ADAMTS17: variants seen among roughly 807,000 people sequenced by gnomAD.
The protein encoded by ADAMTS17 is ADAM metallopeptidase with thrombospondin type 1 motif 17, also known as A disintegrin and metalloproteinase with thrombospondin motifs 17.
A neutral mutation model predicts 141.5 loss-of-function variants in ADAMTS17; 113 were observed. That is an observed-to-expected ratio of 0.80 (90% CI 0.69 to 0.93). ADAMTS17 has a LOEUF of 0.93. Ranked by LOEUF, ADAMTS17 falls within the 40% of genes least tolerant of loss-of-function variation. The pLI, the probability that ADAMTS17 is intolerant of heterozygous loss-of-function variation, is 0.00. For missense variants in ADAMTS17, 1,659 were observed against 1,517.9 expected, an observed-to-expected ratio of 1.09 and a Z score of -1.54; for synonymous variants, 768 against 630.6, an observed-to-expected ratio of 1.22 and a Z score of -3.27.
intron 7 of ADAMTS17, among the ~76,000 whole-genome samples, chr15:100,249,540 G>A (rs148601975): frequency 7.9e-5 from 12 of 152,332 alleles, no homozygotes; most frequent in East Asian, 3.9e-4. Flanking sequence ...CTCCCCAGCC[G>A]TGGTGGCACA....
Position 99,974,533 on chromosome 15 carries a change from GGTCTCGT to G in ADAMTS17, c.3150_3156del (p.Arg1051SerfsTer58). ...ATGACCCGGCAATATACCGTCCACT[GGTCTCGT>G]GTGCATTTGTAGGTCAGAGCAGCTA... On this transcript the variant is annotated frameshift_variant, in exon 22 of 22. Transcript: ENST00000268070. LOFTEE classifies it high-confidence loss of function. 2 of 1,614,258 alleles carry G rather than the reference GGTCTCGT, an allele frequency of 1.2e-6. No homozygotes were observed. Among genetic ancestry groups the G allele is most frequent in the South Asian group, 2.2e-5 (2 of 91,086 alleles).
intron 15 of ADAMTS17, among the ~76,000 whole-genome samples, chr15:100,073,356 G>A (rs1006399680): frequency 3.9e-5 from 6 of 152,180 alleles, no homozygotes; most frequent in African/African-American, 9.7e-5. Flanking sequence ...TCAGTGTGGC[G>A]ATTCCTCAGA....
Position 99,993,003 on chromosome 15 carries a change from C to T in ADAMTS17, c.2949+45G>A, listed in dbSNP as rs772435133. ...GAGCTGAGTTCCCGACCCTCGAGCC[C>T]CCTGCACTGCGGCACGGAGAGAAAT... On this transcript the variant is annotated intron_variant, in intron 20 of 21. Coordinates refer to ENST00000268070, the MANE Select transcript of ADAMTS17 (RefSeq NM_139057.4). This position sits in a 1 kb window ranked among gnomAD's most constrained non-coding sequence, Gnocchi z 4.3. 2.7e-5 allele frequency: 44 copies of T among 1,612,942 alleles called. No homozygotes were observed. The highest frequency in any genetic ancestry group is 6.7e-5 in the Admixed American group (4 of 59,988).
intron 19 of ADAMTS17, among the ~76,000 whole-genome samples, chr15:99,996,188 G>C (rs890820550): frequency 9.2e-5 from 14 of 151,974 alleles, no homozygotes; most frequent in African/African-American, 3.4e-4. Flanking sequence ...CCAAGTAGCT[G>C]GGATTACAGG....
chr15:100,293,210 T>TG (rs1032610552), intron 3 of ADAMTS17, among the ~76,000 whole-genome samples: 3 of 150,678 alleles, frequency 2.0e-5, no homozygotes, highest in Non-Finnish European at 4.4e-5. Flanking sequence ...AGGATGGGAG[T>TG]GGGGGGAACA....
At chr15:100,171,189 G>T (rs1002880851) in intron 8 of ADAMTS17, among the ~76,000 whole-genome samples, 2 of 152,270 alleles carry the variant, frequency 1.3e-5, no homozygotes, top group African/African-American at 2.4e-5. Context: ...AAAGTTCAAA[G>T]ACCTCCCAGG....
At chr15:100,129,694 G>A (rs1484126790) in intron 12 of ADAMTS17, 1 of 152,126 alleles carries the variant, frequency 6.6e-6, no homozygotes, top group Non-Finnish European at 1.5e-5. Context: ...GATGAGCCGA[G>A]ATCGCGCCAT....
intron 2 of ADAMTS17, among the ~76,000 whole-genome samples, chr15:100,331,787 C>T (rs1421944604): frequency 6.6e-6 from 1 of 152,162 alleles, no homozygotes; most frequent in Non-Finnish European, 1.5e-5. Flanking sequence ...CCATGACACA[C>T]TACACCCCTG....
chr15:100,013,484 C>A (rs1395120429), intron 18 of ADAMTS17, among the ~76,000 whole-genome samples: 1 of 152,166 alleles, frequency 6.6e-6, no homozygotes, highest in Non-Finnish European at 1.5e-5. Flanking sequence ...AGAAAGCTTT[C>A]AACTTTTCCC....
In ADAMTS17 at chr15:100,109,112, C is replaced by T. The variant is rs2036584790; in HGVS notation, c.1893G>A (p.Lys631=). 1 of 1,611,206 alleles carries T rather than the reference C, an allele frequency of 6.2e-7. No individual in the cohort carries two copies. The highest frequency in any genetic ancestry group is 1.3e-5 in the African/African-American group (1 of 74,836). Residue 631 remains lysine (K), a synonymous_variant, in exon 14 of 22, where the codon AAG becomes AAA. Coordinates refer to ENST00000268070, the MANE Select transcript of ADAMTS17 (RefSeq NM_139057.4). ...GGGGCGAGCAGTAGAGTTCACATGG[C>T]TTATCTGAGGAGGGAAAGGTTGGAG... ...GLLTAVVVDD[K]PCELYCSPLG...
chr15:100,027,608 T>G (rs975090546), intron 18 of ADAMTS17, among the ~76,000 whole-genome samples: 1 of 152,244 alleles, frequency 6.6e-6, no homozygotes, highest in African/African-American at 2.4e-5. Flanking sequence ...TACAATAGAA[T>G]TGAGTAGTTA....
At chr15:100,021,741 G>C (rs774272967) in intron 18 of ADAMTS17, among the ~76,000 whole-genome samples, 3 of 152,182 alleles carry the variant, frequency 2.0e-5, no homozygotes, top group Non-Finnish European at 4.4e-5. Flanking sequence ...GAAGTACCAG[G>C]GTAGATGAAG....
intron 7 of ADAMTS17, among the ~76,000 whole-genome samples, chr15:100,246,827 G>A (rs1014804635): frequency 5.9e-5 from 9 of 151,846 alleles, no homozygotes; most frequent in Admixed American, 5.2e-4. Flanking sequence ...TGCCATCCAT[G>A]TATATGTAAA....
At chr15:100,020,522 G>C (rs1365275352) in intron 18 of ADAMTS17, among the ~76,000 whole-genome samples, 1 of 152,188 alleles carries the variant, frequency 6.6e-6, no homozygotes, top group East Asian at 1.9e-4. Flanking sequence ...GCAAGCTGCA[G>C]GTTCACTCCC....
intron 3 of ADAMTS17, among the ~76,000 whole-genome samples, chr15:100,293,617 C>G (rs945375848): frequency 2.6e-5 from 4 of 152,188 alleles, no homozygotes; most frequent in Non-Finnish European, 4.4e-5. Context: ...GGGGTCTAGA[C>G]AGCCAACCTC....
At chr15:100,302,351 C>G (rs981118880) in intron 3 of ADAMTS17, among the ~76,000 whole-genome samples, 48 of 152,318 alleles carry the variant, frequency 3.2e-4, no homozygotes, top group African/African-American at 1.1e-3. Flanking sequence ...AAGCTATTAT[C>G]AACAATGCTG....
chr15:100,096,879 G>C (rs993785078), intron 14 of ADAMTS17, among the ~76,000 whole-genome samples: 1 of 152,200 alleles, frequency 6.6e-6, no homozygotes, highest in Non-Finnish European at 1.5e-5. Flanking sequence ...CCTCTAGGCT[G>C]TGGGGGTCAC....
At chr15:100,061,302 T>C (rs2033103530) in intron 15 of ADAMTS17, among the ~76,000 whole-genome samples, 1 of 152,110 alleles carries the variant, frequency 6.6e-6, no homozygotes, top group Non-Finnish European at 1.5e-5. Flanking sequence ...CCAAGCCCCC[T>C]GAAGCTTCAG....
intron 20 of ADAMTS17, among the ~76,000 whole-genome samples, chr15:99,990,572 A>G (rs1285676761): frequency 6.6e-6 from 1 of 151,778 alleles, no homozygotes; most frequent in African/African-American, 2.4e-5. Context: ...CTGTTAATCC[A>G]GAATAATAGG....
Sources: gnomAD v4.1 joint callset for allele counts (sites outside exome capture counted in the v4.1 genomes callset) on GRCh38, gnomAD v4.1.1 for gene constraint, Gnocchi (gnomAD v3.1) non-coding constraint, MANE v1.5 for transcripts, NCBI Gene and HGNC (gene_info 2026-07-23, HGNC 2026-07-21) for gene names.